PTPRD: variants seen among roughly 807,000 people sequenced by gnomAD.
PTPRD encodes the protein protein tyrosine phosphatase receptor type D.
Under a neutral mutation model 214.5 loss-of-function variants are expected in PTPRD, and 34 were observed. The observed-to-expected ratio is 0.16, with a 90% confidence interval of 0.12 to 0.21. PTPRD has a LOEUF of 0.21. Ranked by LOEUF, PTPRD falls within the 10% of genes least tolerant of loss-of-function variation. The probability of loss-of-function intolerance (pLI) is 1.00; values close to 1 mark genes in which losing one functional copy is unlikely to be tolerated. For missense variants in PTPRD, 2,545 were observed against 2,398.7 expected (o/e 1.06, Z -1.27); for synonymous variants, 1,128 against 845.7 (o/e 1.33, Z -5.79).
intron 10 of PTPRD, among the ~76,000 whole-genome samples, chr9:9,065,445 C>A (rs2154404007): frequency 6.6e-6 from 1 of 152,216 alleles, no homozygotes; most frequent in East Asian, 1.9e-4. Flanking sequence ...CCAAGGAGGT[C>A]AGTGTGGCTG....
At chr9:10,513,216 T>G (rs370665274) in intron 2 of PTPRD, among the ~76,000 whole-genome samples, 29 of 151,996 alleles carry the variant, frequency 1.9e-4, no homozygotes, top group Middle Eastern at 6.8e-3. Context: ...TAATGAAGCG[T>G]TTATTTTAAA....
chr9:8,515,315 T>C (rs2097764387), intron 21 of PTPRD, among the ~76,000 whole-genome samples: 1 of 152,236 alleles, frequency 6.6e-6, no homozygotes, highest in African/African-American at 2.4e-5. Flanking sequence ...GTTCATAGTA[T>C]AGTGTCCTCC....
intron 39 of PTPRD, among the ~76,000 whole-genome samples, chr9:8,347,006 T>C (rs1400530021): frequency 6.6e-6 from 1 of 152,058 alleles, no homozygotes. Flanking sequence ...AACAGAAACA[T>C]GCCATGACTG....
chr9:9,219,088 C>T (rs2099954178), intron 9 of PTPRD, among the ~76,000 whole-genome samples: 1 of 152,078 alleles, frequency 6.6e-6, no homozygotes, highest in Non-Finnish European at 1.5e-5. Flanking sequence ...AAATATATTA[C>T]ATTATTACAT....
At chr9:9,693,925 CT>C (rs2097322689) in intron 7 of PTPRD, among the ~76,000 whole-genome samples, 1 of 152,174 alleles carries the variant, frequency 6.6e-6, no homozygotes, top group Non-Finnish European at 1.5e-5. Flanking sequence ...TATTTTCACT[CT>C]ATAATTTCTG....
chr9:9,949,101 C>A (rs1479521821), intron 4 of PTPRD, among the ~76,000 whole-genome samples: 2 of 151,870 alleles, frequency 1.3e-5, no homozygotes, highest in East Asian at 1.9e-4. Flanking sequence ...AGAGAAAGTT[C>A]AAACATAAGG....
At chr9:9,553,346 C>T (rs936341224) in intron 8 of PTPRD, among the ~76,000 whole-genome samples, 1 of 152,008 alleles carries the variant, frequency 6.6e-6, no homozygotes, top group African/African-American at 2.4e-5. Flanking sequence ...ATTGCCAACA[C>T]TTACTAAGCA....
chr9:9,896,932 T>A (rs1402363415), intron 5 of PTPRD, among the ~76,000 whole-genome samples: 1 of 152,094 alleles, frequency 6.6e-6, no homozygotes, highest in Non-Finnish European at 1.5e-5. Context: ...AGCAGATTTA[T>A]ATTTGCAATC....
At chr9:9,349,940 A>T (rs1398185007) in intron 9 of PTPRD, among the ~76,000 whole-genome samples, 3 of 152,128 alleles carry the variant, frequency 2.0e-5, no homozygotes, top group African/African-American at 7.2e-5. Context: ...CTTTCAGAGT[A>T]GAGGGGTATC....
At chr9:8,702,388 T>A (rs547319216) in intron 12 of PTPRD, among the ~76,000 whole-genome samples, 1 of 152,158 alleles carries the variant, frequency 6.6e-6, no homozygotes, top group African/African-American at 2.4e-5. Context: ...TGGATCAGCA[T>A]AGTTGAGGTT....
intron 9 of PTPRD, among the ~76,000 whole-genome samples, chr9:9,275,145 ATAATATATTATATATATAAC>A (rs1944843604): frequency 4.8e-5 from 3 of 62,760 alleles, no homozygotes; most frequent in Non-Finnish European, 8.1e-5. Flanking sequence ...TAATATATAT[ATAATATATTATATATATAAC>A]ATATATATAA....
At chr9:8,918,413 T>C (rs2098802194) in intron 11 of PTPRD, among the ~76,000 whole-genome samples, 1 of 152,144 alleles carries the variant, frequency 6.6e-6, no homozygotes, top group African/African-American at 2.4e-5. Flanking sequence ...GCACTGTTTT[T>C]TAAACAGTGG....
chr9:10,213,472 A>T (rs1432569196), intron 3 of PTPRD, among the ~76,000 whole-genome samples: 2 of 152,104 alleles, frequency 1.3e-5, no homozygotes, highest in African/African-American at 4.8e-5. Flanking sequence ...AGAGGACTTC[A>T]GGTCCTAAGA....
intron 10 of PTPRD, among the ~76,000 whole-genome samples, chr9:9,088,243 G>C (rs1348573494): frequency 2.0e-5 from 3 of 149,882 alleles, no homozygotes; most frequent in African/African-American, 4.9e-5. Context: ...AGAAAAGAAA[G>C]TTCTTCTAAA....
intron 2 of PTPRD, among the ~76,000 whole-genome samples, chr9:10,468,643 A>G (rs927273938): frequency 6.6e-6 from 1 of 152,112 alleles, no homozygotes; most frequent in Non-Finnish European, 1.5e-5. Context: ...AACTTAAAAT[A>G]TAATAAAAAC....
chr9:8,434,852 T>C (rs771680287), intron 35 of PTPRD, among the ~76,000 whole-genome samples: 3 of 152,104 alleles, frequency 2.0e-5, no homozygotes, highest in Admixed American at 6.6e-5. Context: ...TTAGAAACTA[T>C]AGAAAGTGTT....
At position 9,117,340 on chromosome 9, in the gene PTPRD, T is replaced by C. The variant is rs117569544; in HGVS notation, c.-143+65964A>G. ...GCTCCATTGTGCCTTAATACTTTCA[T>C]TGACATCTTGTTTTACTTACTAACC... On this transcript the variant is annotated intron_variant, in intron 10 of 45. Coordinates refer to ENST00000381196, the MANE Select transcript of PTPRD (RefSeq NM_002839.4). 5.3e-3 allele frequency among the ~76,000 whole-genome samples: 801 copies of C among 152,188 alleles called. 24 individuals carry two copies. The East Asian group carries it at 0.07, about 13-fold the overall frequency.
chr9:9,298,242 G>T (rs978131769), intron 9 of PTPRD, among the ~76,000 whole-genome samples: 18 of 151,574 alleles, frequency 1.2e-4, no homozygotes, highest in Non-Finnish European at 5.9e-5. Context: ...ACAAATGCAA[G>T]CAGAGTTTTA....
chr9:9,197,114 C>A (rs2099939043), intron 9 of PTPRD, among the ~76,000 whole-genome samples: 1 of 152,148 alleles, frequency 6.6e-6, no homozygotes, highest in African/African-American at 2.4e-5. Context: ...CCTCACTCTG[C>A]CTTTCTTCCT....
Sources: allele counts gnomAD v4.1 joint callset (sites outside exome capture counted in the v4.1 genomes callset), GRCh38; gene constraint gnomAD v4.1.1; transcripts MANE v1.5; gene names NCBI Gene and HGNC (gene_info 2026-07-23, HGNC 2026-07-21).